The following ADAM19 variants were observed in gnomAD, a reference collection of about 807,000 sequenced individuals.
The protein encoded by ADAM19 is disintegrin and metalloproteinase domain-containing protein 19.
In ADAM19, 65 loss-of-function variants were observed where a neutral mutation model predicts 114.7. The ratio of observed to expected loss-of-function variants is 0.57; its 90% CI spans 0.46 to 0.70. The LOEUF (loss-of-function observed/expected upper bound fraction) is 0.70, where lower values mean the gene tolerates loss of function less well. ADAM19 is among the 30% of genes least tolerant of loss of function. ADAM19 has a pLI of 0.00. For synonymous variants in ADAM19, 466 were observed against 460.5 expected (o/e 1.01, Z -0.15); for missense variants, 1,063 against 1,204.7 (o/e 0.88, Z 1.74).
In ADAM19 at chr5:157,520,054, C is replaced by A. The variant is rs753606326; in HGVS notation, c.408-23G>T. 9 of 1,588,922 alleles carry A rather than the reference C, an allele frequency of 5.7e-6. 2 individuals carry two copies. In the South Asian group the frequency reaches 9.0e-5, roughly 16 times the overall value. On this transcript the variant is annotated intron_variant, in intron 5 of 22. Coordinates refer to ENST00000257527, the MANE Select transcript of ADAM19 (RefSeq NM_033274.5). ...CCTCTGTTGAGAGGAGAAATAGAAT[C>A]TCTGGTCAAAGATTATGGTTCTGAA...
At chr5:157,535,423 A>G (rs1190391866) in intron 4 of ADAM19, among the ~76,000 whole-genome samples, 1 of 152,216 alleles carries the variant, frequency 6.6e-6, no homozygotes, top group Non-Finnish European at 1.5e-5. Flanking sequence ...AGGGCAGCTG[A>G]GTAGTTTATT....
intron 3 of ADAM19, among the ~76,000 whole-genome samples, chr5:157,563,051 C>A (rs554641020): frequency 6.6e-6 from 1 of 152,060 alleles, no homozygotes; most frequent in African/African-American, 2.4e-5. Flanking sequence ...CCCCGAGAGA[C>A]ACGGTCAAGA....
chr5:157,539,640 C>G (rs911131611), intron 3 of ADAM19, among the ~76,000 whole-genome samples: 7 of 152,210 alleles, frequency 4.6e-5, no homozygotes, highest in Non-Finnish European at 1.0e-4. Flanking sequence ...AAAGCACAAA[C>G]CCCAGCTTTG....
At chr5:157,571,132 T>TA (rs1757810922) in intron 1 of ADAM19, 152 bp from the exon 2 acceptor site, 1 of 618,736 alleles carries the variant, frequency 1.6e-6, no homozygotes, top group South Asian at 2.0e-5. Flanking sequence ...CTAGGCACTC[T>TA]AGGTGTCGGT....
rs767615861 is a variant in ADAM19, at chr5:157,502,997, C to T, written c.1131-17G>A. 8.7e-6 allele frequency: 14 copies of T among 1,607,966 alleles called. No individual in the cohort carries two copies. The highest frequency in any genetic ancestry group is 8.3e-5 in the Admixed American group (5 of 59,884). Reference sequence around the variant, plus strand: ...AAGGGGTGCCTGGCAGAGGACAAGGCTGGAATTAGTGGGGAGTTTGAGCAT... The same window carrying T: ...AAGGGGTGCCTGGCAGAGGACAAGGTTGGAATTAGTGGGGAGTTTGAGCAT... On this transcript the variant is annotated splice_polypyrimidine_tract_variant and intron_variant, in intron 11 of 22. Transcript: ENST00000257527.
chr5:157,494,822 T>C (rs201892003), intron 14 of ADAM19, 27 bp from the exon 15 acceptor site: 10 of 1,588,670 alleles, frequency 6.3e-6, no homozygotes, highest in Middle Eastern at 1.7e-4. Flanking sequence ...CATCTATCAG[T>C]ATACTCATCT....
intron 8 of ADAM19, among the ~76,000 whole-genome samples, chr5:157,512,888 C>T (rs1403571512): frequency 6.6e-6 from 1 of 152,220 alleles, no homozygotes; most frequent in African/African-American, 2.4e-5. Flanking sequence ...CTTTCCCACC[C>T]TGACCTACCT....
intron 11 of ADAM19, 26 bp from the exon 12 acceptor site, chr5:157,503,006 GT>G (rs1313987935): frequency 6.2e-7 from 1 of 1,603,572 alleles, no homozygotes; most frequent in Non-Finnish European, 8.5e-7. Flanking sequence ...GCTGGAATTA[GT>G]GGGGAGTTTG....
intron 3 of ADAM19, among the ~76,000 whole-genome samples, chr5:157,545,549 T>C (rs543148721): frequency 6.6e-6 from 1 of 152,292 alleles, no homozygotes; most frequent in East Asian, 1.9e-4. Flanking sequence ...TCCAAAAAGA[T>C]TGTTTAGGAG....
At chr5:157,560,255 A>T (rs1757475848) in intron 3 of ADAM19, among the ~76,000 whole-genome samples, 1 of 111,572 alleles carries the variant, frequency 9.0e-6, no homozygotes, top group Non-Finnish European at 1.7e-5. Flanking sequence ...ACAGAGCGAG[A>T]CTCCGTCTCA....
At chr5:157,497,128 T>G in intron 13 of ADAM19, 39 bp from the exon 14 acceptor site, 2 of 1,451,256 alleles carry the variant, frequency 1.4e-6, no homozygotes, top group Non-Finnish European at 1.8e-6. Context: ...GTCAATCTCC[T>G]CCCCACCCTC....
At chr5:157,562,728 CAG>C (rs1391868465) in intron 3 of ADAM19, among the ~76,000 whole-genome samples, 2 of 152,200 alleles carry the variant, frequency 1.3e-5, no homozygotes, top group Non-Finnish European at 2.9e-5. Context: ...TCCATAATTT[CAG>C]AGTTTTCTAA....
intron 20 of ADAM19, 78 bp downstream of exon 20, chr5:157,489,024 C>T: frequency 1.5e-6 from 1 of 648,530 alleles, no homozygotes; most frequent in Admixed American, 2.4e-5. Context: ...GGCAAGACTC[C>T]ATCTCAAAAA....
rs751856808 is a variant in ADAM19, at chr5:157,480,597, G to T, written c.*352C>A. Reference sequence around the variant, plus strand: ...GAGTGAATGGATGGCTTCTGCAAGCGAAGTGCTGGCCTGAGGGGCTTGCTG... The same window carrying T: ...GAGTGAATGGATGGCTTCTGCAAGCTAAGTGCTGGCCTGAGGGGCTTGCTG... On this transcript the variant is annotated 3_prime_UTR_variant, in exon 23 of 23. Coordinates refer to ENST00000257527, the MANE Select transcript of ADAM19 (RefSeq NM_033274.5). The T allele has an allele frequency of 1.8e-6, 2 of 1,099,272 alleles. No homozygotes were observed. The highest frequency in any genetic ancestry group is 1.6e-5 in the African/African-American group (1 of 60,856). 68.1% of individuals were successfully genotyped at this position (1,099,272 alleles called of 1,614,324 possible).
chr5:157,549,828 G>A (rs1188008262), intron 3 of ADAM19, among the ~76,000 whole-genome samples: 1 of 152,172 alleles, frequency 6.6e-6, no homozygotes, highest in Non-Finnish European at 1.5e-5. Flanking sequence ...GTAGAATGGA[G>A]AAAAATTAGC....
intron 1 of ADAM19, among the ~76,000 whole-genome samples, chr5:157,571,187 G>A (rs1232203741): frequency 6.6e-6 from 1 of 152,190 alleles, no homozygotes; most frequent in African/African-American, 2.4e-5. Flanking sequence ...TACTTGTAAA[G>A]GTGGGAGACA....
chr5:157,557,003 C>T (rs1314865863), intron 3 of ADAM19, among the ~76,000 whole-genome samples: 1 of 152,164 alleles, frequency 6.6e-6, no homozygotes, highest in African/African-American at 2.4e-5. Context: ...ACTAAAGCTT[C>T]CTGAGTAGCT....
chr5:157,480,671 A>G lies in ADAM19; in HGVS notation c.*278T>C. 8.0e-7 allele frequency: 1 copy of G among 1,243,190 alleles called. No homozygotes were observed. The highest frequency in any genetic ancestry group is 1.0e-6 in the Non-Finnish European group (1 of 987,274). The allele number at this position is 1,243,190 out of a possible 1,614,324, so 77.0% of individuals were successfully genotyped here. On this transcript the variant is annotated 3_prime_UTR_variant, in exon 23 of 23. Transcript: ENST00000257527. The stretch of plus-strand genomic sequence containing the variant: ...CTCGGGGCTAGGAGTCTGGAGGAGA[A>G]GCTGCCAGTCACCCTCCTCATACTC...
intron 21 of ADAM19, among the ~76,000 whole-genome samples, chr5:157,486,386 G>T (rs971175634): frequency 1.3e-5 from 2 of 152,166 alleles, no homozygotes; most frequent in Admixed American, 1.3e-4. Context: ...ACCCACCTGG[G>T]ACCCGGGGCC....
Sources: allele counts gnomAD v4.1 joint callset (sites outside exome capture counted in the v4.1 genomes callset), GRCh38; gene constraint gnomAD v4.1.1; transcripts MANE v1.5; gene names NCBI Gene and HGNC (gene_info 2026-07-23, HGNC 2026-07-21).